The following EPC1 variants were observed in gnomAD, a reference collection of about 807,000 sequenced individuals.
The protein encoded by EPC1 is enhancer of polycomb homolog 1.
In EPC1, 12 loss-of-function variants were observed where a neutral mutation model predicts 98.4. The observed-to-expected ratio is 0.12, with a 90% CI of 0.08 to 0.20. The LOEUF (loss-of-function observed/expected upper bound fraction) is 0.20. Ranked by LOEUF, EPC1 falls within the 10% of genes least tolerant of loss-of-function variation. EPC1 has a pLI of 1.00. For missense variants in EPC1, 729 were observed against 990.5 expected (o/e 0.74, Z 3.54); for synonymous variants, 357 against 363.9 (o/e 0.98, Z 0.21).
chr10:32,277,699 T>C (rs928450488), intron 10 of EPC1, among the ~76,000 whole-genome samples: 2 of 152,136 alleles, frequency 1.3e-5, no homozygotes, highest in Admixed American at 1.3e-4. Flanking sequence ...TAGCTCTAGC[T>C]CGGACTACAG....
intron 1 of EPC1, among the ~76,000 whole-genome samples, chr10:32,308,545 T>C (rs1836008232): frequency 2.0e-5 from 3 of 152,220 alleles, no homozygotes; most frequent in African/African-American, 7.2e-5. Context: ...TGTAATTTAT[T>C]TTTTCTATAA....
At chr10:32,347,256 G>C (rs1838909461), upstream of EPC1, 1 of 1,139,222 alleles carries the variant, frequency 8.8e-7, no homozygotes, top group Non-Finnish European at 1.1e-6. Context: ...GGCCGGCGCC[G>C]GCACGAAGCG....
upstream of EPC1, among the ~76,000 whole-genome samples, chr10:32,348,057 C>T (rs74128087): frequency 0.034 from 5,195 of 152,184 alleles, 281 homozygotes; most frequent in African/African-American, 0.12. Flanking sequence ...GCTCATGATT[C>T]TGTACTCAAA....
intron 1 of EPC1, among the ~76,000 whole-genome samples, chr10:32,313,247 A>C (rs1002683868): frequency 4.6e-5 from 7 of 152,214 alleles, no homozygotes; most frequent in African/African-American, 1.7e-4. Context: ...GTATAAAACA[A>C]AAACCAGAGA....
At chr10:32,275,724 G>A (rs888695972) in intron 10 of EPC1, among the ~76,000 whole-genome samples, 6 of 151,890 alleles carry the variant, frequency 4.0e-5, no homozygotes, top group South Asian at 2.1e-4. Flanking sequence ...GCAGTGAGCC[G>A]AGATCGCGTC....
chr10:32,345,754 G>A (rs1007363192), intron 1 of EPC1: 1 of 343,266 alleles, frequency 2.9e-6, no homozygotes, highest in African/African-American at 2.2e-5. Context: ...ACCCAATTTA[G>A]ACATCTCAAT....
chr10:32,344,459 T>A (rs547689078), intron 1 of EPC1, among the ~76,000 whole-genome samples: 1 of 152,174 alleles, frequency 6.6e-6, no homozygotes, highest in African/African-American at 2.4e-5. Context: ...GGACTCCACA[T>A]GTTACAAACT....
rs554943682 is a variant in EPC1, at chr10:32,334,404, TGAGATTCTA to T, written c.153+12350_153+12358del. The stretch of plus-strand genomic sequence containing the variant: ...CAACTGTACCTGAATCTAACTTAGA[TGAGATTCTA>T]GACTTTGAGCTGTGATAGGATAAGA... On this transcript the variant is annotated intron_variant, in intron 1 of 13. Transcript: ENST00000319778. 1.1e-4 allele frequency among the ~76,000 whole-genome samples: 16 copies of T among 151,270 alleles called. No individual in the cohort carries two copies. The East Asian group carries it at 1.9e-3, about 18-fold the overall frequency.
chr10:32,338,218 G>A (rs1211067277), intron 1 of EPC1, among the ~76,000 whole-genome samples: 1 of 152,066 alleles, frequency 6.6e-6, no homozygotes, highest in Non-Finnish European at 1.5e-5. Context: ...CTATCCAGCT[G>A]CTCAACTTGG....
chr10:32,335,348 T>A (rs1837892834), intron 1 of EPC1, among the ~76,000 whole-genome samples: 2 of 152,186 alleles, frequency 1.3e-5, no homozygotes, highest in Admixed American at 1.3e-4. Context: ...TCTTCCACTC[T>A]GTTGTCTAGA....
chr10:32,326,450 G>A (rs1286933280), intron 1 of EPC1, among the ~76,000 whole-genome samples: 1 of 152,124 alleles, frequency 6.6e-6, no homozygotes, highest in South Asian at 2.1e-4. Flanking sequence ...GATCCAAAAT[G>A]TGACAAGAAT....
upstream of EPC1, among the ~76,000 whole-genome samples, chr10:32,349,252 G>A (rs1839039393): frequency 6.6e-6 from 1 of 152,146 alleles, no homozygotes; most frequent in Non-Finnish European, 1.5e-5. Flanking sequence ...GTGAACCAAG[G>A]AAATGAATTA....
rs1372397059 is a variant in EPC1 at position 32,278,360 on chromosome 10, GGTTTTTTTTTGTTT to G, written c.1745-5093_1745-5080del. On this transcript the variant is annotated intron_variant, in intron 10 of 13. Transcript: ENST00000319778. ...CCTAGCCCCTCAAAATGTATACTTT[GGTTTTTTTTTGTTT>G]TTTTTTTTTTGTTTTTTTTTTTTTT... Among the ~76,000 whole-genome samples, 5 of 143,342 alleles carry G rather than the reference GGTTTTTTTTTGTTT, an allele frequency of 3.5e-5. No homozygotes were observed. The Admixed American group carries it at 3.6e-4, about 10-fold the overall frequency. 94.0% of individuals were successfully genotyped at this position (143,342 alleles called of 152,430 possible). A position where few individuals can be genotyped will look rare whatever the true frequency, so the allele number is the denominator to read the frequency against.
chr10:32,340,268 C>T (rs896061834), intron 1 of EPC1, among the ~76,000 whole-genome samples: 2 of 152,172 alleles, frequency 1.3e-5, no homozygotes, highest in Non-Finnish European at 2.9e-5. Flanking sequence ...CTGCATTGAT[C>T]AAAGCTACAC....
At chr10:32,346,661 G>T in intron 1 of EPC1, 102 bp downstream of exon 1, 1 of 1,159,956 alleles carries the variant, frequency 8.6e-7, no homozygotes, top group Non-Finnish European at 1.3e-6. Flanking sequence ...GCGGCGAAGA[G>T]AAGATGGCGG....
chr10:32,306,003 G>T, intron 1 of EPC1, 72 bp from the exon 2 acceptor site: 1 of 1,347,942 alleles, frequency 7.4e-7, no homozygotes, highest in Non-Finnish European at 9.8e-7. Context: ...AGCCAAAAAG[G>T]TTTTTTTGGC....
In EPC1 at chr10:32,365,819, C is replaced by CA. The variant is rs55769539; in HGVS notation, c.3+12671dup. Among the ~76,000 whole-genome samples the CA allele has an allele frequency of 5.7e-4, 22 of 38,430 alleles. 2 individuals carry two copies. Among genetic ancestry groups the CA allele is most frequent in the African/African-American group, 2.6e-3 (19 of 7,376 alleles). The allele number at this position is 38,430 out of a possible 152,430, so 25.2% of individuals were successfully genotyped here. A position where few individuals can be genotyped will look rare whatever the true frequency, so the allele number is the denominator to read the frequency against. ...GGGCAACAGAGAGAGCTCCGTCTCA[C>CA]AAAAAAAAAAAAAAAAAAAAAAAAA... is the stretch of plus-strand genomic sequence containing the variant. On this transcript the variant is annotated intron_variant, in intron 1 of 13. Transcript: ENST00000375110.
intron 6 of EPC1, among the ~76,000 whole-genome samples, chr10:32,288,866 G>A (rs1836842199): frequency 6.6e-6 from 1 of 152,038 alleles, no homozygotes; most frequent in Admixed American, 6.5e-5. Context: ...AAGGCGGGAG[G>A]ATCATGAGGT....
At chr10:32,335,677 C>T (rs1837914988) in intron 1 of EPC1, among the ~76,000 whole-genome samples, 1 of 152,166 alleles carries the variant, frequency 6.6e-6, no homozygotes, top group African/African-American at 2.4e-5. Flanking sequence ...AGTCACAGTG[C>T]TGTTTTCTCA....
Sources: allele counts gnomAD v4.1 joint callset (sites outside exome capture counted in the v4.1 genomes callset), GRCh38; gene constraint gnomAD v4.1.1; transcripts MANE v1.5; gene names NCBI Gene and HGNC (gene_info 2026-07-23, HGNC 2026-07-21).